MDN1: variants seen among roughly 807,000 people sequenced by gnomAD.
The protein encoded by MDN1 is midasin AAA ATPase 1, also known as midasin.
A neutral mutation model predicts 669.2 loss-of-function variants in MDN1; 266 were observed. The ratio of observed to expected loss-of-function variants is 0.40; its 90% CI spans 0.36 to 0.44. The LOEUF is 0.44. Among genes scored for constraint, MDN1 ranks in the 20% least tolerant of loss-of-function variants. The probability of loss-of-function intolerance (pLI) is 1.00; values close to 1 mark genes in which losing one functional copy is unlikely to be tolerated. For missense variants in MDN1, 5,940 were observed against 6,754.0 expected (o/e 0.88, Z 4.22); for synonymous variants, 2,385 against 2,457.1 (o/e 0.97, Z 0.87).
chr6:89,700,620 G>A (rs953112975), intron 56 of MDN1, 26 bp downstream of exon 56: 1 of 1,599,520 alleles, frequency 6.3e-7, no homozygotes, highest in African/African-American at 1.3e-5. Context: ...GCATCTGTCA[G>A]CTAGCCAAGT....
Position 89,695,621 on chromosome 6 carries a change from T to A in MDN1, c.9755A>T (p.Asn3252Ile). The part of the protein sequence containing the change: ...DPAVKREYKL[N>I]YVKEELHQLQ... ...CTCCCATACCTCTTCCTTGACGTAATTGAGCTTGTACTCCCTCTTCACCGC... is the reference window on the plus strand; with the variant it reads ...CTCCCATACCTCTTCCTTGACGTAAATGAGCTTGTACTCCCTCTTCACCGC... Residue 3252 changes from asparagine (N) to isoleucine (I), a missense_variant, in exon 61 of 102, where the codon AAT becomes ATT. This residue lies in a region of MDN1 where 2,292 missense variants were observed against 2,638.3 expected (regional missense o/e 0.87). Transcript: ENST00000369393. This position sits in a 1 kb window ranked among gnomAD's most constrained non-coding sequence, Gnocchi z 4.1. The A allele has an allele frequency of 6.3e-7, 1 of 1,597,866 alleles. No homozygotes were observed. Among genetic ancestry groups the A allele is most frequent in the Non-Finnish European group, 8.6e-7 (1 of 1,168,152 alleles).
At chr6:89,719,079 A>G (rs1041293848) in intron 41 of MDN1, 49 bp from the exon 42 acceptor site, 4 of 1,613,508 alleles carry the variant, frequency 2.5e-6, no homozygotes, top group South Asian at 2.2e-5. Flanking sequence ...TGGTAGTGGG[A>G]GCAGAAGAAA....
chr6:89,785,106 T>G lies in MDN1; in HGVS notation c.1355A>C (p.Asn452Thr). The G allele has an allele frequency of 6.2e-7, 1 of 1,613,790 alleles. No homozygotes were observed. Among genetic ancestry groups the G allele is most frequent in the Non-Finnish European group, 8.5e-7 (1 of 1,179,708 alleles). The change falls in exon 9 of 102, where the codon AAT becomes ACT. Residue 452 changes from asparagine to threonine, a missense_variant. Coordinates refer to ENST00000369393, the MANE Select transcript of MDN1 (RefSeq NM_014611.3). The stretch of plus-strand genomic sequence containing the variant: ...ATGACTGTTTAGCGGTCGATACCAA[T>G]TTCCTCCACAGCTCAAGAGTCTACG... Reference protein sequence around the residue: ...ATRRLLSCGGNWYRPLNSHAT... With the variant: ...ATRRLLSCGGTWYRPLNSHAT...
chr6:89,780,089 G>T (rs955732405), intron 11 of MDN1, 123 bp downstream of exon 11: 7 of 539,098 alleles, frequency 1.3e-5, no homozygotes, highest in East Asian at 3.4e-5. Flanking sequence ...AACAAAAAAA[G>T]AATAACAAAC....
chr6:89,734,690 CAAGAGAGA>C (rs1190389567), intron 33 of MDN1, among the ~76,000 whole-genome samples: 10 of 112,872 alleles, frequency 8.9e-5, no homozygotes, highest in Non-Finnish European at 1.2e-4. Flanking sequence ...AAAAAAAAAA[CAAGAGAGA>C]GAGAGAGAGA....
chr6:89,699,084 A>G (rs1204783137), intron 58 of MDN1, 49 bp from the exon 59 acceptor site: 4 of 1,471,816 alleles, frequency 2.7e-6, no homozygotes, highest in Non-Finnish European at 2.8e-6. Flanking sequence ...GAAAGACTCC[A>G]TAAATTATTA....
At chr6:89,768,996 A>G (rs1817949834) in intron 15 of MDN1, among the ~76,000 whole-genome samples, 2 of 152,088 alleles carry the variant, frequency 1.3e-5, no homozygotes, top group African/African-American at 2.4e-5. Flanking sequence ...CAAGGCTGCA[A>G]TAAGTCATGT....
intron 97 of MDN1, 22 bp downstream of exon 97, chr6:89,650,002 C>T: frequency 6.2e-7 from 1 of 1,612,714 alleles, no homozygotes; most frequent in Middle Eastern, 1.7e-4. Context: ...TATCAAACTG[C>T]CACTGCATTT....
chr6:89,813,279 G>A lies in MDN1; in HGVS notation c.102+6227C>T, dbSNP rs138551655. Among the ~76,000 whole-genome samples the A allele has an allele frequency of 2.6e-5, 4 of 152,216 alleles. No individual in the cohort carries two copies. In the East Asian group the frequency reaches 5.8e-4, roughly 22 times the overall value. On this transcript the variant is annotated intron_variant, in intron 1 of 101. Coordinates refer to ENST00000369393, the MANE Select transcript of MDN1 (RefSeq NM_014611.3). Reference sequence around the variant, plus strand: ...AATTAGCCAGGCAAGGCTGGGCGCCGTGGCTCATGCCTGTAATCCCAGCAC... The same window carrying A: ...AATTAGCCAGGCAAGGCTGGGCGCCATGGCTCATGCCTGTAATCCCAGCAC...
At chr6:89,733,685 A>G (rs1424775084) in intron 33 of MDN1, among the ~76,000 whole-genome samples, 1 of 151,944 alleles carries the variant, frequency 6.6e-6, no homozygotes, top group Non-Finnish European at 1.5e-5. Context: ...CAAAGGGGAA[A>G]TTCCAGTAAC....
rs978091256 is a variant in MDN1 at position 89,746,518 on chromosome 6, C to T, written c.3904+811G>A. On this transcript the variant is annotated intron_variant, in intron 27 of 101. Transcript: ENST00000369393. ...AACTGCTTGAACCAGAACCCAGACC[C>T]GGGAGGCAGAGGTTACAGTGAGCTG... Among the ~76,000 whole-genome samples the T allele has an allele frequency of 6.1e-5, 9 of 148,298 alleles. No individual in the cohort carries two copies. In the South Asian group the frequency reaches 6.4e-4, roughly 11 times the overall value.
At chr6:89,685,693 A>G (rs1811957047) in intron 70 of MDN1, 134 bp downstream of exon 70, 23 of 943,434 alleles carry the variant, frequency 2.4e-5, no homozygotes, top group Non-Finnish European at 3.6e-5. Context: ...TCTAATGTGA[A>G]TCGCATTAAA....
intron 1 of MDN1, among the ~76,000 whole-genome samples, chr6:89,806,993 T>C (rs1228809178): frequency 6.6e-6 from 1 of 152,180 alleles, no homozygotes; most frequent in African/African-American, 2.4e-5. Context: ...TTTTTATACA[T>C]TGACCTGGTA....
At chr6:89,812,193 C>T (rs1000085209) in intron 1 of MDN1, among the ~76,000 whole-genome samples, 3 of 151,798 alleles carry the variant, frequency 2.0e-5, no homozygotes, top group African/African-American at 4.8e-5. Context: ...ACTATGTTGG[C>T]CAGGCTGGTC....
intron 101 of MDN1, among the ~76,000 whole-genome samples, chr6:89,644,642 C>T (rs1024518779): frequency 1.3e-5 from 2 of 152,186 alleles, no homozygotes; most frequent in African/African-American, 4.8e-5. Context: ...TGTGGCAACA[C>T]CTAATCTCCA....
chr6:89,768,377 A>G (rs1817907990), intron 15 of MDN1, among the ~76,000 whole-genome samples: 1 of 152,182 alleles, frequency 6.6e-6, no homozygotes, highest in African/African-American at 2.4e-5. Flanking sequence ...CAAGCTCTCG[A>G]CTGCCACCAT....
At chr6:89,706,957 A>C (rs1013055799) in intron 52 of MDN1, among the ~76,000 whole-genome samples, 2 of 152,100 alleles carry the variant, frequency 1.3e-5, no homozygotes, top group African/African-American at 4.8e-5. Flanking sequence ...CAAAAAAAAA[A>C]CATGGGAGAA....
chr6:89,750,628 G>T, intron 23 of MDN1, 96 bp from the exon 24 acceptor site: 1 of 1,228,744 alleles, frequency 8.1e-7, no homozygotes, highest in Non-Finnish European at 1.2e-6. Context: ...TTTGACAAAG[G>T]GTTTCACTCT....
At chr6:89,672,169 A>G (rs779281348) in intron 82 of MDN1, 31 bp downstream of exon 82, 1 of 1,540,834 alleles carries the variant, frequency 6.5e-7, no homozygotes, top group Non-Finnish European at 8.7e-7. Flanking sequence ...CATTCTGAAG[A>G]GGAAGAAGTT....
Sources: allele counts gnomAD v4.1 joint callset (sites outside exome capture counted in the v4.1 genomes callset), GRCh38; gene constraint gnomAD v4.1.1; regional missense constraint gnomAD v4.1.1; non-coding constraint Gnocchi (gnomAD v3.1); transcripts MANE v1.5; gene names NCBI Gene and HGNC (gene_info 2026-07-23, HGNC 2026-07-21).